The following TMEM209 variants were observed in gnomAD, a reference collection of about 807,000 sequenced individuals.
TMEM209 encodes transmembrane protein 209, also known as testicular tissue protein Li 202.
TMEM209 carries 65 observed loss-of-function variants against 76.2 expected under a neutral mutation model. The ratio of observed to expected loss-of-function variants is 0.85; its 90% CI spans 0.70 to 1.05. The LOEUF (loss-of-function observed/expected upper bound fraction) is 1.05. Ranked by LOEUF, TMEM209 falls within the 50% of genes least tolerant of loss-of-function variation. The pLI is 0.00. For synonymous variants in TMEM209, 239 were observed against 237.6 expected (o/e 1.01, Z -0.06); for missense variants, 623 against 685.5 (o/e 0.91, Z 1.02).
chr7:130,172,155 A>G (rs2116973225), intron 13 of TMEM209, among the ~76,000 whole-genome samples: 1 of 152,318 alleles, frequency 6.6e-6, no homozygotes, highest in South Asian at 2.1e-4. Flanking sequence ...ACCTCAAAAA[A>G]AAAGTAAAGC....
intron 5 of TMEM209, 47 bp from the exon 6 acceptor site, chr7:130,192,870 T>C: frequency 1.3e-6 from 2 of 1,570,048 alleles, no homozygotes; most frequent in Non-Finnish European, 1.7e-6. Flanking sequence ...TAATTGAAAT[T>C]CATTTTGTTT....
At chr7:130,182,851 G>C (rs576009509) in intron 8 of TMEM209, among the ~76,000 whole-genome samples, 1 of 152,268 alleles carries the variant, frequency 6.6e-6, no homozygotes, top group Admixed American at 6.5e-5. Context: ...TTGATATACT[G>C]GCAAGACTTG....
At chr7:130,196,848 AT>A (rs1370366659) in intron 5 of TMEM209, among the ~76,000 whole-genome samples, 1 of 152,218 alleles carries the variant, frequency 6.6e-6, no homozygotes, top group African/African-American at 2.4e-5. Flanking sequence ...AATACAAGCA[AT>A]TATTTTAAAA....
Position 130,178,426 on chromosome 7 carries a change from C to T in TMEM209, c.1222G>A (p.Glu408Lys). The T allele has an allele frequency of 6.2e-7, 1 of 1,612,382 alleles. No homozygotes were observed. The highest frequency in any genetic ancestry group is 8.5e-7 in the Non-Finnish European group (1 of 1,179,122). ...VQYLDLTPNQ[E>K]YLFERIKELS... ...CCTTTGATCCTTTCAAACAAGTATT[C>T]CTGATTTGGAGTAAGGTCTAGATAC... Residue 408 changes from glutamate to lysine, a missense_variant, in exon 10 of 15, where the codon GAA becomes AAA. Coordinates refer to ENST00000397622, the MANE Select transcript of TMEM209 (RefSeq NM_032842.4).
At chr7:130,201,131 G>GATAAGGGC (rs1798185107) in intron 5 of TMEM209, among the ~76,000 whole-genome samples, 1 of 145,036 alleles carries the variant, frequency 6.9e-6, no homozygotes, top group South Asian at 2.2e-4. Context: ...TATGTAAATG[G>GATAAGGGC]ATAAGGGCAG....
chr7:130,199,352 C>T (rs568027550), intron 5 of TMEM209, among the ~76,000 whole-genome samples: 70 of 151,924 alleles, frequency 4.6e-4, no homozygotes, highest in Non-Finnish European at 6.2e-4. Context: ...CGAGTAGCTG[C>T]GACTACAGGC....
chr7:130,182,863 A>G (rs1306275012), intron 8 of TMEM209, among the ~76,000 whole-genome samples: 1 of 152,224 alleles, frequency 6.6e-6, no homozygotes, highest in African/African-American at 2.4e-5. Flanking sequence ...CAAGACTTGA[A>G]CTGAATTCAC....
intron 6 of TMEM209, among the ~76,000 whole-genome samples, chr7:130,188,474 T>A (rs1037939789): frequency 2.6e-5 from 4 of 151,418 alleles, no homozygotes; most frequent in Non-Finnish European, 5.9e-5. Flanking sequence ...CAGGCACCTG[T>A]AGTCCCAGCT....
chr7:130,168,715 A>G (rs1246501784), intron 14 of TMEM209, among the ~76,000 whole-genome samples: 1 of 152,178 alleles, frequency 6.6e-6, no homozygotes, highest in Non-Finnish European at 1.5e-5. Context: ...CTGTAATCCC[A>G]GCACGTTAGA....
At chr7:130,180,046 A>G (rs182443424) in intron 9 of TMEM209, among the ~76,000 whole-genome samples, 2 of 152,320 alleles carry the variant, frequency 1.3e-5, no homozygotes, top group Admixed American at 1.3e-4. Flanking sequence ...TAAAGAAATA[A>G]TTACAAATGT....
At chr7:130,194,470 AT>A (rs1797905564) in intron 5 of TMEM209, among the ~76,000 whole-genome samples, 1 of 152,188 alleles carries the variant, frequency 6.6e-6, no homozygotes, top group South Asian at 2.1e-4. Context: ...ACACATGCAT[AT>A]TTTTAAAAAT....
chr7:130,167,837 C>T (rs1397373274), intron 14 of TMEM209, among the ~76,000 whole-genome samples: 1 of 152,016 alleles, frequency 6.6e-6, no homozygotes, highest in Non-Finnish European at 1.5e-5. Context: ...TCACTTATTT[C>T]TTTTAAGTTA....
chr7:130,169,181 C>T (rs1290907813), intron 14 of TMEM209, among the ~76,000 whole-genome samples: 9 of 127,556 alleles, frequency 7.1e-5, no homozygotes, highest in South Asian at 4.9e-4. Context: ...GGTGACAGAG[C>T]GAGACTCCAT....
At chr7:130,200,151 C>CTATA (rs67450804) in intron 5 of TMEM209, among the ~76,000 whole-genome samples, 2 of 148,560 alleles carry the variant, frequency 1.3e-5, no homozygotes, top group African/African-American at 5.0e-5. Context: ...TTCTCTCTCT[C>CTATA]TATATATATA....
At chr7:130,188,965 T>C (rs554257012) in intron 6 of TMEM209, among the ~76,000 whole-genome samples, 1 of 152,046 alleles carries the variant, frequency 6.6e-6, no homozygotes, top group East Asian at 1.9e-4. Flanking sequence ...AAAATGTAAA[T>C]GTCATAAAAG....
chr7:130,167,283 A>G (rs1216360046), intron 14 of TMEM209, among the ~76,000 whole-genome samples: 1 of 152,190 alleles, frequency 6.6e-6, no homozygotes, highest in African/African-American at 2.4e-5. Context: ...AGAATGTATT[A>G]ACTTTGATAA....
chr7:130,192,776 A>C lies in TMEM209; in HGVS notation c.621T>G (p.Val207=). Reference sequence around the variant, plus strand: ...TCAATCCACTGCTCTCCACTGGTCCAACAGTGGTAGGGTACGGAGAAGGAG... The same window carrying C: ...TCAATCCACTGCTCTCCACTGGTCCCACAGTGGTAGGGTACGGAGAAGGAG... ...PSPPSPYPTT[V]GPVESSGLRS... Residue 207 remains valine (V), a synonymous_variant, in exon 6 of 15, where the codon GTT becomes GTG. Coordinates refer to ENST00000397622, the MANE Select transcript of TMEM209 (RefSeq NM_032842.4). 1.9e-6 allele frequency: 3 copies of C among 1,614,016 alleles called. No individual in the cohort carries two copies. Among genetic ancestry groups the C allele is most frequent in the Non-Finnish European group, 2.5e-6 (3 of 1,179,874 alleles).
At chr7:130,196,191 T>G (rs533189918) in intron 5 of TMEM209, among the ~76,000 whole-genome samples, 2 of 152,302 alleles carry the variant, frequency 1.3e-5, no homozygotes, top group East Asian at 3.9e-4. Context: ...GTCTATAAAG[T>G]AACTGTTTCT....
chr7:130,176,752 G>C (rs1277162313), intron 10 of TMEM209, among the ~76,000 whole-genome samples: 2 of 152,140 alleles, frequency 1.3e-5, no homozygotes, highest in Non-Finnish European at 2.9e-5. Context: ...CAATTGCAAT[G>C]TATTACAATA....
Sources: allele counts gnomAD v4.1 joint callset (sites outside exome capture counted in the v4.1 genomes callset), GRCh38; gene constraint gnomAD v4.1.1; transcripts MANE v1.5; gene names NCBI Gene and HGNC (gene_info 2026-07-23, HGNC 2026-07-21).